GPC5: variants seen among roughly 807,000 people sequenced by gnomAD.
GPC5 encodes the protein glypican-5.
In GPC5, 47 loss-of-function variants were observed where a neutral mutation model predicts 53.9. The ratio of observed to expected loss-of-function variants is 0.87; its 90% CI spans 0.69 to 1.11. GPC5 has a LOEUF of 1.11. Among genes scored for constraint, GPC5 ranks in the 50% most tolerant of loss-of-function variants. GPC5 has a pLI of 0.00. For synonymous variants in GPC5, 286 were observed against 263.3 expected (o/e 1.09, Z -0.84); for missense variants, 748 against 713.1 (o/e 1.05, Z -0.56).
chr13:92,415,317 A>G (rs989207713), intron 7 of GPC5, among the ~76,000 whole-genome samples: 1 of 152,240 alleles, frequency 6.6e-6, no homozygotes, highest in Non-Finnish European at 1.5e-5. Flanking sequence ...GTGAAAGACC[A>G]GTTAGAAAAT....
chr13:92,457,209 G>C (rs1192795648), intron 7 of GPC5, among the ~76,000 whole-genome samples: 1 of 152,096 alleles, frequency 6.6e-6, no homozygotes, highest in Non-Finnish European at 1.5e-5. Context: ...AGGATTCATA[G>C]TGTATAGGTA....
chr13:91,722,032 G>T (rs1201286830), intron 3 of GPC5, among the ~76,000 whole-genome samples: 1 of 152,152 alleles, frequency 6.6e-6, no homozygotes. Context: ...TACCAATAAT[G>T]AGGGCTCAGT....
chr13:91,984,518 G>A (rs1261820828), intron 6 of GPC5, among the ~76,000 whole-genome samples: 2 of 152,188 alleles, frequency 1.3e-5, no homozygotes, highest in East Asian at 3.8e-4. Context: ...GCACGCTCAC[G>A]TGGACAACCC....
chr13:91,399,275 C>G, intron 1 of GPC5, 66 bp downstream of exon 1: 1 of 1,539,792 alleles, frequency 6.5e-7, no homozygotes, highest in South Asian at 1.2e-5. Context: ...CCCCCAGGCT[C>G]CCTTGGTGGC....
At chr13:92,023,312 C>A (rs2040774251) in intron 6 of GPC5, among the ~76,000 whole-genome samples, 1 of 151,880 alleles carries the variant, frequency 6.6e-6, no homozygotes, top group Admixed American at 6.6e-5. Context: ...CAAAAGGATC[C>A]TAAAAATAAT....
At chr13:92,290,747 C>T (rs756143768) in intron 7 of GPC5, among the ~76,000 whole-genome samples, 5 of 152,334 alleles carry the variant, frequency 3.3e-5, no homozygotes, top group South Asian at 2.1e-4. Flanking sequence ...AGCTCTCGCT[C>T]GCTCTCGGCG....
At chr13:91,642,476 G>C (rs1393991213) in intron 2 of GPC5, among the ~76,000 whole-genome samples, 1 of 152,158 alleles carries the variant, frequency 6.6e-6, no homozygotes, top group Admixed American at 6.5e-5. Context: ...AACTAGAGTG[G>C]AGTGTTGTCA....
chr13:92,846,002 C>T (rs948979948), intron 7 of GPC5, among the ~76,000 whole-genome samples: 2 of 151,988 alleles, frequency 1.3e-5, no homozygotes, highest in Non-Finnish European at 2.9e-5. Context: ...GAAACCATAC[C>T]TATCAGTCCG....
chr13:92,349,397 G>A (rs1461895764), intron 7 of GPC5, among the ~76,000 whole-genome samples: 2 of 151,332 alleles, frequency 1.3e-5, no homozygotes, highest in African/African-American at 4.8e-5. Context: ...TGCCCGCCTT[G>A]GCCTCCCAAA....
intron 2 of GPC5, among the ~76,000 whole-genome samples, chr13:91,614,302 C>G (rs2033637591): frequency 6.6e-6 from 1 of 152,162 alleles, no homozygotes; most frequent in Admixed American, 6.5e-5. Context: ...TCAGGCAACT[C>G]AGGAAGTCTG....
At chr13:91,665,565 C>A (rs530670374) in intron 2 of GPC5, among the ~76,000 whole-genome samples, 12 of 150,884 alleles carry the variant, frequency 8.0e-5, no homozygotes, top group African/African-American at 2.4e-4. Flanking sequence ...TCCAGTGGCG[C>A]CATCTCGGCT....
intron 3 of GPC5, among the ~76,000 whole-genome samples, chr13:91,699,680 A>T (rs2139848980): frequency 6.6e-6 from 1 of 152,318 alleles, no homozygotes; most frequent in Non-Finnish European, 1.5e-5. Context: ...GCTCTGAAAG[A>T]ATCCAATGAA....
At chr13:92,494,293 G>A (rs1205917097) in intron 7 of GPC5, among the ~76,000 whole-genome samples, 1 of 152,098 alleles carries the variant, frequency 6.6e-6, no homozygotes, top group East Asian at 1.9e-4. Context: ...GTTTCACCGT[G>A]TTAGCCAGGA....
In GPC5 at chr13:92,244,253, AT is replaced by A. The variant is rs1229331323; in HGVS notation, c.1561+99269del. Among the ~76,000 whole-genome samples the A allele has an allele frequency of 2.6e-5, 4 of 152,286 alleles. No individual in the cohort carries two copies. The East Asian group carries it at 7.7e-4, about 29-fold the overall frequency. On this transcript the variant is annotated intron_variant, in intron 7 of 7. Coordinates refer to ENST00000377067, the MANE Select transcript of GPC5 (RefSeq NM_004466.6). The stretch of plus-strand genomic sequence containing the variant: ...ATGTTCATCCTGGTATGCACATTTT[AT>A]TTTTAATGTCCCGGCATTGATTTTA...
chr13:92,161,712 G>A (rs946253638), intron 7 of GPC5, among the ~76,000 whole-genome samples: 8 of 151,482 alleles, frequency 5.3e-5, no homozygotes, highest in East Asian at 1.9e-4. Context: ...TTAATAATCC[G>A]AAAGTAATTA....
chr13:92,693,384 T>A (rs1041567132), intron 7 of GPC5, among the ~76,000 whole-genome samples: 2 of 152,082 alleles, frequency 1.3e-5, no homozygotes. Context: ...CCTAGAGACT[T>A]GTTGGATGGT....
intron 5 of GPC5, among the ~76,000 whole-genome samples, chr13:91,760,332 G>GA (rs1171426715): frequency 1.3e-5 from 2 of 152,046 alleles, no homozygotes; most frequent in Non-Finnish European, 2.9e-5. Flanking sequence ...TTCTCCTTGA[G>GA]AAAAAATGAA....
At chr13:92,336,698 A>G (rs1038918741) in intron 7 of GPC5, among the ~76,000 whole-genome samples, 1 of 152,198 alleles carries the variant, frequency 6.6e-6, no homozygotes, top group African/African-American at 2.4e-5. Flanking sequence ...TATAGTGATG[A>G]AAACAGGTGA....
At chr13:91,827,716 T>A (rs183401288) in intron 5 of GPC5, among the ~76,000 whole-genome samples, 1 of 152,230 alleles carries the variant, frequency 6.6e-6, no homozygotes, top group South Asian at 2.1e-4. Context: ...TTGCTGAGCG[T>A]ATAGAATAAC....
Sources: gnomAD v4.1 joint callset for allele counts (sites outside exome capture counted in the v4.1 genomes callset) on GRCh38, gnomAD v4.1.1 for gene constraint, MANE v1.5 for transcripts, NCBI Gene and HGNC (gene_info 2026-07-23, HGNC 2026-07-21) for gene names.